The following TUBA4B variants were observed in gnomAD, a reference collection of about 807,000 sequenced individuals.
The protein encoded by TUBA4B is tubulin alpha 4b.
A neutral mutation model predicts 18.4 loss-of-function variants in TUBA4B; 13 were observed. That is an observed-to-expected ratio of 0.71 (90% CI 0.46 to 1.12). The LOEUF is 1.12. Ranked by LOEUF, TUBA4B falls within the 50% of genes most tolerant of loss-of-function variation. The probability of loss-of-function intolerance (pLI) is 0.00; values close to 1 mark genes in which losing one functional copy is unlikely to be tolerated. For synonymous variants in TUBA4B, 101 were observed against 99.1 expected, an observed-to-expected ratio of 1.02 and a Z score of -0.11; for missense variants, 244 against 250.0, an observed-to-expected ratio of 0.98 and a Z score of 0.16.
chr2:219,270,160 TG>T, intron 2 of TUBA4B, 41 bp from the exon 3 acceptor site: 1 of 698,742 alleles, frequency 1.4e-6, no homozygotes. Flanking sequence ...CAAAGGGAGG[TG>T]GGGCCCAAAA....
intron 1 of TUBA4B, among the ~76,000 whole-genome samples, chr2:219,261,666 C>T (rs140185144): frequency 1.3e-5 from 2 of 152,190 alleles, no homozygotes; most frequent in Non-Finnish European, 2.9e-5. Context: ...ACTACCATCC[C>T]GTTATTCCTA....
intron 1 of TUBA4B, chr2:219,253,758 A>T: frequency 7.0e-7 from 1 of 1,427,346 alleles, no homozygotes; most frequent in East Asian, 2.5e-5. Flanking sequence ...GAGACCCGGA[A>T]CGCCCGGTGG....
At position 219,271,581 on chromosome 2, in the gene TUBA4B, C is replaced by T. The variant is rs1182865335; in HGVS notation, c.608C>T (p.Thr203Ile). The T allele has an allele frequency of 1.2e-6, 2 of 1,614,190 alleles. No individual in the cohort carries two copies. The highest frequency in any genetic ancestry group is 8.5e-7 in the Non-Finnish European group (1 of 1,180,010). Residue 203 changes from threonine (T) to isoleucine (I), a missense_variant, in exon 4 of 4, where the codon ACA becomes ATA. Transcript: ENST00000490341. Reference protein sequence around the residue: ...EFQTNLVSYLTSTSPWPPMHQ... With the variant: ...EFQTNLVSYLISTSPWPPMHQ... ...CAGACCAACCTGGTGTCCTACCTCA[C>T]ATCCACTTCCCCCTGGCCACCTATG...
At position 219,271,308 on chromosome 2, in the gene TUBA4B, C is replaced by T; in HGVS notation, c.335C>T (p.Pro112Leu). 1 of 1,589,006 alleles carries T rather than the reference C, an allele frequency of 6.3e-7. No individual in the cohort carries two copies. Among genetic ancestry groups the T allele is most frequent in the Non-Finnish European group, 8.6e-7 (1 of 1,157,262 alleles). ...KKSKLGFSIY[P>L]APQVSTAMVQ... Reference sequence around the variant, plus strand: ...TCCAAGCTGGGATTCTCCATCTACCCAGCCCCCCAGGTGTCTACAGCCATG... The same window carrying T: ...TCCAAGCTGGGATTCTCCATCTACCTAGCCCCCCAGGTGTCTACAGCCATG... The change falls in exon 4 of 4, where the codon CCA becomes CTA. Residue 112 changes from proline to leucine, a missense_variant. Coordinates refer to ENST00000490341, the MANE Select transcript of TUBA4B (RefSeq NM_001355221.1).
rs1233500217 is a variant in TUBA4B at position 219,253,400 on chromosome 2, A to G, written c.-8A>G. 1.3e-6 allele frequency: 2 copies of G among 1,532,302 alleles called. No homozygotes were observed. Among genetic ancestry groups the G allele is most frequent in the African/African-American group, 2.7e-5 (2 of 72,780 alleles). The allele number at this position is 1,532,302 out of a possible 1,614,324, so 94.9% of individuals were successfully genotyped here. A position where few individuals can be genotyped will look rare whatever the true frequency, so the allele number is the denominator to read the frequency against. On this transcript the variant is annotated 5_prime_UTR_variant, in exon 1 of 4. Coordinates refer to ENST00000490341, the MANE Select transcript of TUBA4B (RefSeq NM_001355221.1). The stretch of plus-strand genomic sequence containing the variant: ...GATAGTTGGAATGCATACACAGAGG[A>G]AAGGGGGATGCGGCACCAGGTAACC...
chr2:219,255,637 T>C (rs1372956229), intron 1 of TUBA4B, among the ~76,000 whole-genome samples: 1 of 152,192 alleles, frequency 6.6e-6, no homozygotes, highest in Non-Finnish European at 1.5e-5. Context: ...CCCAAAGTGC[T>C]GGGATTACAG....
intron 1 of TUBA4B, among the ~76,000 whole-genome samples, chr2:219,259,836 T>C (rs1241207444): frequency 6.6e-6 from 1 of 152,150 alleles, no homozygotes; most frequent in Non-Finnish European, 1.5e-5. Context: ...CCAGCCATCC[T>C]CCTTCTCACA....
intron 3 of TUBA4B, 128 bp downstream of exon 3, chr2:219,270,463 G>A: frequency 3.1e-6 from 2 of 638,574 alleles, no homozygotes; most frequent in Non-Finnish European, 5.7e-6. Context: ...CAGGACCAAT[G>A]AGGAGAGGCC....
At chr2:219,269,446 T>C (rs1157329991) in intron 2 of TUBA4B, among the ~76,000 whole-genome samples, 1 of 152,196 alleles carries the variant, frequency 6.6e-6, no homozygotes, top group African/African-American at 2.4e-5. Flanking sequence ...CTACAGCCGA[T>C]GCCTGTTGCT....
At position 219,271,651 on chromosome 2, in the gene TUBA4B, G is replaced by T; in HGVS notation, c.678G>T (p.Trp226Cys). 6.2e-7 allele frequency: 1 copy of T among 1,613,846 alleles called. No homozygotes were observed. Among genetic ancestry groups the T allele is most frequent in the Admixed American group, 1.7e-5 (1 of 60,030 alleles). ...AAAGGTATACCACGAGCAGCTGTTGGTGGCAGAGATTACCAATGCCTGCTT... is the reference window on the plus strand; with the variant it reads ...AAAGGTATACCACGAGCAGCTGTTGTTGGCAGAGATTACCAATGCCTGCTT... ...LQKRYTTSSCWWQRLPMPALS... is the reference protein window; with the variant it reads ...LQKRYTTSSCCWQRLPMPALS... Residue 226 changes from tryptophan (W) to cysteine (C), a missense_variant, in exon 4 of 4, where the codon TGG (tryptophan) becomes TGT (cysteine). Trp to Cys is a radical substitution (Grantham distance 215, BLOSUM62 -2). Transcript: ENST00000490341.
At chr2:219,268,395 T>C (rs1258081140) in intron 2 of TUBA4B, among the ~76,000 whole-genome samples, 1 of 152,142 alleles carries the variant, frequency 6.6e-6, no homozygotes, top group Non-Finnish European at 1.5e-5. Context: ...GCGCCCAGCC[T>C]CAATTCATTA....
intron 2 of TUBA4B, among the ~76,000 whole-genome samples, chr2:219,267,597 G>A (rs572511580): frequency 6.7e-6 from 1 of 148,590 alleles, no homozygotes; most frequent in African/African-American, 2.5e-5. Context: ...TTTTTTTTGA[G>A]ACGGAGTCTC....
intron 2 of TUBA4B, among the ~76,000 whole-genome samples, chr2:219,269,460 C>T (rs997143870): frequency 1.3e-5 from 2 of 152,234 alleles, no homozygotes; most frequent in African/African-American, 4.8e-5. Context: ...TGTTGCTCCT[C>T]AGTGCCACCA....
chr2:219,257,043 C>CTTTTTTTT (rs368841707), intron 1 of TUBA4B, among the ~76,000 whole-genome samples: 2 of 107,578 alleles, frequency 1.9e-5, no homozygotes, highest in Non-Finnish European at 3.5e-5. Context: ...CCCATTTTGG[C>CTTTTTTTT]TTTTTTTTTT....
At chr2:219,267,812 C>T (rs1368564110) in intron 2 of TUBA4B, among the ~76,000 whole-genome samples, 1 of 152,152 alleles carries the variant, frequency 6.6e-6, no homozygotes, top group African/African-American at 2.4e-5. Flanking sequence ...ATCTGCCCAC[C>T]TCGGCCTCCT....
rs555619390 is a variant in TUBA4B at position 219,256,908 on chromosome 2, T to C, written c.12+3489T>C. ...TGTGATTGTTGGCTTTGAAGAGGGA[T>C]AGGGGCCATGAGTAAAAGAATATGG... On this transcript the variant is annotated intron_variant, in intron 1 of 3. Transcript: ENST00000490341. Among the ~76,000 whole-genome samples, 164 of 152,092 alleles carry C rather than the reference T, an allele frequency of 1.1e-3. 1 individual carries two copies. The highest frequency in any genetic ancestry group is 3.4e-3 in the African/African-American group (141 of 41,484).
chr2:219,256,904 G>A (rs1166756352), intron 1 of TUBA4B, among the ~76,000 whole-genome samples: 8 of 152,114 alleles, frequency 5.3e-5, no homozygotes, highest in Non-Finnish European at 1.2e-4. Context: ...GCTTTGAAGA[G>A]GGATAGGGGC....
chr2:219,263,658 T>C (rs1225976531), intron 1 of TUBA4B, among the ~76,000 whole-genome samples: 3 of 152,168 alleles, frequency 2.0e-5, no homozygotes, highest in Admixed American at 2.0e-4. Flanking sequence ...ATTCCTGAGG[T>C]CCATGGTTTC....
intron 3 of TUBA4B, among the ~76,000 whole-genome samples, chr2:219,270,936 C>A (rs1376163196): frequency 6.6e-6 from 1 of 152,004 alleles, no homozygotes; most frequent in Admixed American, 6.6e-5. Context: ...TCTTTTCCAG[C>A]ATACAACAGA....
Sources: allele counts gnomAD v4.1 joint callset (sites outside exome capture counted in the v4.1 genomes callset), GRCh38; gene constraint gnomAD v4.1.1; transcripts MANE v1.5; gene names NCBI Gene and HGNC (gene_info 2026-07-23, HGNC 2026-07-21).